SPOCK1: variants seen among roughly 807,000 people sequenced by gnomAD.
SPOCK1 encodes the protein SPARC (osteonectin), cwcv and kazal like domains proteoglycan 1.
A neutral mutation model predicts 55.3 loss-of-function variants in SPOCK1; 23 were observed. The observed-to-expected ratio is 0.42, with a 90% CI of 0.30 to 0.59. The LOEUF (loss-of-function observed/expected upper bound fraction) is 0.59. Among genes scored for constraint, SPOCK1 ranks in the 20% least tolerant of loss-of-function variants. The pLI is 0.22. For missense variants in SPOCK1, 499 were observed against 552.5 expected (o/e 0.90, Z 0.97); for synonymous variants, 226 against 221.0 (o/e 1.02, Z -0.20).
chr5:137,235,175 G>T (rs1454002640), intron 3 of SPOCK1, among the ~76,000 whole-genome samples: 1 of 152,218 alleles, frequency 6.6e-6, no homozygotes, highest in African/African-American at 2.4e-5. Context: ...TTTCTTTGAT[G>T]TAGGATGTTG....
At chr5:137,107,493 A>T (rs1034254208) in intron 5 of SPOCK1, among the ~76,000 whole-genome samples, 1 of 152,134 alleles carries the variant, frequency 6.6e-6, no homozygotes. Context: ...TCTGTTCCTT[A>T]TCTTTTATGG....
chr5:137,492,010 C>CT (rs1333831730), intron 2 of SPOCK1, among the ~76,000 whole-genome samples: 1 of 152,228 alleles, frequency 6.6e-6, no homozygotes, highest in Non-Finnish European at 1.5e-5. Context: ...CATTAACCAA[C>CT]TTACTCTTCA....
intron 3 of SPOCK1, among the ~76,000 whole-genome samples, chr5:137,258,181 A>G (rs773298630): frequency 3.0e-4 from 46 of 152,210 alleles, no homozygotes; most frequent in Non-Finnish European, 1.2e-4. Flanking sequence ...TTTCTATGTT[A>G]CAGATAAGAA....
intron 6 of SPOCK1, among the ~76,000 whole-genome samples, chr5:137,007,418 C>G (rs1405295105): frequency 6.6e-6 from 1 of 151,768 alleles, no homozygotes; most frequent in Non-Finnish European, 1.5e-5. Context: ...GGCTAATATC[C>G]AGCAACTACA....
chr5:137,069,361 G>A (rs749169053), intron 5 of SPOCK1, among the ~76,000 whole-genome samples: 12 of 152,204 alleles, frequency 7.9e-5, no homozygotes, highest in Non-Finnish European at 1.6e-4. Context: ...TTTGTTCAGT[G>A]CCTAGTACGT....
intron 5 of SPOCK1, among the ~76,000 whole-genome samples, chr5:137,075,717 G>A (rs1034886803): frequency 7.2e-5 from 11 of 152,100 alleles, no homozygotes; most frequent in Admixed American, 7.2e-4. Context: ...TGTCCTCCAG[G>A]CAATGCAACC....
At chr5:137,287,772 A>G (rs1757295888) in intron 2 of SPOCK1, among the ~76,000 whole-genome samples, 1 of 152,206 alleles carries the variant, frequency 6.6e-6, no homozygotes, top group Admixed American at 6.5e-5. Context: ...GGCTAGGGCA[A>G]TCATTCCCAG....
At chr5:137,008,381 G>A (rs1416922555) in intron 6 of SPOCK1, among the ~76,000 whole-genome samples, 2 of 151,192 alleles carry the variant, frequency 1.3e-5, no homozygotes, top group Middle Eastern at 3.4e-3. Flanking sequence ...GAGGTAAAAG[G>A]AATAAGTCTG....
chr5:137,070,412 T>TTTTA (rs1447406773), intron 5 of SPOCK1, among the ~76,000 whole-genome samples: 3 of 152,020 alleles, frequency 2.0e-5, no homozygotes, highest in Non-Finnish European at 4.4e-5. Context: ...CAAGAAAAGG[T>TTTTA]TTTAGTTAGT....
chr5:137,498,298 A>ACC, intron 2 of SPOCK1, 75 bp downstream of exon 2: 1 of 1,313,610 alleles, frequency 7.6e-7, no homozygotes, highest in Non-Finnish European at 1.0e-6. Context: ...ACACACACAC[A>ACC]CACCCCAACC....
chr5:136,983,251 G>A (rs920949421), intron 9 of SPOCK1, among the ~76,000 whole-genome samples: 1 of 152,122 alleles, frequency 6.6e-6, no homozygotes, highest in East Asian at 1.9e-4. Flanking sequence ...TGGCATGGGA[G>A]GGACAGATTT....
intron 3 of SPOCK1, among the ~76,000 whole-genome samples, chr5:137,236,954 T>C (rs536015608): frequency 2.2e-4 from 33 of 152,250 alleles, no homozygotes; most frequent in African/African-American, 7.5e-4. Context: ...ATCTAATTAC[T>C]CTGGGGTGAG....
At chr5:137,194,070 C>T (rs184356323) in intron 3 of SPOCK1, among the ~76,000 whole-genome samples, 19 of 152,244 alleles carry the variant, frequency 1.2e-4, no homozygotes, top group Admixed American at 9.1e-4. Context: ...TTCTTCCCTT[C>T]GCCCTAAGAA....
chr5:137,260,179 G>A (rs1174666349), intron 3 of SPOCK1, among the ~76,000 whole-genome samples: 1 of 152,162 alleles, frequency 6.6e-6, no homozygotes, highest in Non-Finnish European at 1.5e-5. Context: ...CAGTGGCAGA[G>A]CCATGTCCCA....
At chr5:137,014,582 G>T (rs1426463593) in intron 6 of SPOCK1, among the ~76,000 whole-genome samples, 1 of 152,152 alleles carries the variant, frequency 6.6e-6, no homozygotes, top group East Asian at 1.9e-4. Flanking sequence ...TGCCCAGATT[G>T]TAAGTATCCA....
At chr5:137,291,059 A>T (rs28571013) in intron 2 of SPOCK1, among the ~76,000 whole-genome samples, 1 of 152,104 alleles carries the variant, frequency 6.6e-6, no homozygotes, top group East Asian at 1.9e-4. Context: ...AGCTGGTAAA[A>T]GCCAGAGCCT....
At chr5:137,397,875 C>A (rs1291655927) in intron 2 of SPOCK1, among the ~76,000 whole-genome samples, 3 of 152,184 alleles carry the variant, frequency 2.0e-5, no homozygotes. Flanking sequence ...ACCCTCCTGT[C>A]CACAGAGGCC....
At chr5:137,488,306 G>A (rs566903149) in intron 2 of SPOCK1, among the ~76,000 whole-genome samples, 7 of 152,208 alleles carry the variant, frequency 4.6e-5, no homozygotes, top group African/African-American at 9.6e-5. Flanking sequence ...GAACCCAAGC[G>A]GCAGAGGTTG....
chr5:137,419,573 G>C (rs1752437239), intron 2 of SPOCK1, among the ~76,000 whole-genome samples: 1 of 152,134 alleles, frequency 6.6e-6, no homozygotes, highest in African/African-American at 2.4e-5. Flanking sequence ...ATTGTGAATG[G>C]GAGTTCACTC....
Sources: allele counts gnomAD v4.1 joint callset (sites outside exome capture counted in the v4.1 genomes callset), GRCh38; gene constraint gnomAD v4.1.1; transcripts MANE v1.5; gene names NCBI Gene and HGNC (gene_info 2026-07-23, HGNC 2026-07-21).